Variants in PLEKHA5 observed in about 807,000 individuals in gnomAD.
PLEKHA5 encodes pleckstrin homology domain-containing family A member 5.
Under a neutral mutation model 181.9 loss-of-function variants are expected in PLEKHA5, and 55 were observed. The observed-to-expected ratio is 0.30, with a 90% CI of 0.24 to 0.38. PLEKHA5 has a LOEUF of 0.38. Ranked by LOEUF, PLEKHA5 falls within the 10% of genes least tolerant of loss-of-function variation. PLEKHA5 has a pLI of 1.00. For missense variants in PLEKHA5, 1,432 were observed against 1,549.5 expected, an observed-to-expected ratio of 0.92 and a Z score of 1.27; for synonymous variants, 535 against 529.4, an observed-to-expected ratio of 1.01 and a Z score of -0.15.
intron 15 of PLEKHA5, among the ~76,000 whole-genome samples, chr12:19,302,905 AATTTTTTTTTTT>A (rs2081977094): frequency 1.9e-5 from 2 of 106,606 alleles, no homozygotes; most frequent in African/African-American, 7.6e-5. Flanking sequence ...TTCTGTATGA[AATTTTTTTTTTT>A]TTTTTTTTTT....
intron 3 of PLEKHA5, among the ~76,000 whole-genome samples, chr12:19,192,715 A>G (rs967922370): frequency 6.6e-6 from 1 of 152,304 alleles, no homozygotes; most frequent in East Asian, 1.9e-4. Flanking sequence ...CTCAAAAAAT[A>G]AAAAAGAAAA....
At chr12:19,316,224 G>A (rs1380431611) in intron 16 of PLEKHA5, among the ~76,000 whole-genome samples, 1 of 151,998 alleles carries the variant, frequency 6.6e-6, no homozygotes, top group East Asian at 1.9e-4. Flanking sequence ...GTTGTAATAG[G>A]TTATGTTTTT....
intron 3 of PLEKHA5, chr12:19,200,558 A>C: frequency 7.7e-7 from 1 of 1,292,586 alleles, no homozygotes; most frequent in Non-Finnish European, 9.8e-7. Flanking sequence ...TCTTTTCCTC[A>C]TTCCTAGTAG....
intron 3 of PLEKHA5, among the ~76,000 whole-genome samples, chr12:19,193,954 C>T (rs1460095140): frequency 6.6e-6 from 1 of 151,894 alleles, no homozygotes; most frequent in East Asian, 1.9e-4. Context: ...ACACTTTTAA[C>T]AACCAGATCT....
chr12:19,173,706 G>T (rs190258645), intron 3 of PLEKHA5, among the ~76,000 whole-genome samples: 1 of 152,254 alleles, frequency 6.6e-6, no homozygotes, highest in East Asian at 1.9e-4. Flanking sequence ...ACAGCCTAGG[G>T]GATAGCTTAA....
At chr12:19,273,983 C>G (rs917830751) in intron 10 of PLEKHA5, among the ~76,000 whole-genome samples, 5 of 152,208 alleles carry the variant, frequency 3.3e-5, no homozygotes, top group African/African-American at 1.2e-4. Flanking sequence ...TGCAGTCAGA[C>G]TCCAAGAGCT....
intron 25 of PLEKHA5, among the ~76,000 whole-genome samples, chr12:19,352,969 T>C (rs1259156746): frequency 1.3e-5 from 2 of 150,524 alleles, no homozygotes; most frequent in Admixed American, 6.6e-5. Flanking sequence ...TTCAATTTTT[T>C]TGGAGACAGG....
chr12:19,183,289 A>G (rs111471005), intron 3 of PLEKHA5, among the ~76,000 whole-genome samples: 3,999 of 152,290 alleles, frequency 0.026, 146 homozygotes, highest in African/African-American at 0.082. Flanking sequence ...GACTCTGGAA[A>G]GAGGTGTCAG....
intron 3 of PLEKHA5, among the ~76,000 whole-genome samples, chr12:19,168,210 C>A (rs1346475749): frequency 6.6e-6 from 1 of 152,158 alleles, no homozygotes; most frequent in Non-Finnish European, 1.5e-5. Flanking sequence ...CGGAAGGAAT[C>A]ACCTTCTGGC....
intron 3 of PLEKHA5, among the ~76,000 whole-genome samples, chr12:19,246,017 C>T (rs1227919457): frequency 4.1e-5 from 6 of 147,588 alleles, no homozygotes; most frequent in Non-Finnish European, 8.9e-5. Context: ...CTCACTCTGT[C>T]GCCCAGGCTG....
intron 3 of PLEKHA5, among the ~76,000 whole-genome samples, chr12:19,166,872 T>G (rs576997762): frequency 6.6e-6 from 1 of 152,250 alleles, no homozygotes; most frequent in East Asian, 1.9e-4. Flanking sequence ...GTCCACCTTA[T>G]ATTTGTTTAA....
chr12:19,295,884 C>G (rs1451357424), intron 15 of PLEKHA5, among the ~76,000 whole-genome samples: 2 of 152,150 alleles, frequency 1.3e-5, no homozygotes, highest in Non-Finnish European at 2.9e-5. Flanking sequence ...ATCTGAAGAC[C>G]AGACTAACAG....
intron 3 of PLEKHA5, among the ~76,000 whole-genome samples, chr12:19,158,871 A>G (rs935438656): frequency 8.5e-5 from 13 of 152,256 alleles, no homozygotes; most frequent in Admixed American, 3.3e-4. Context: ...TTCTTTGTAT[A>G]TGTATACTTT....
At chr12:19,169,934 G>A (rs187862964) in intron 3 of PLEKHA5, among the ~76,000 whole-genome samples, 70 of 152,202 alleles carry the variant, frequency 4.6e-4, no homozygotes, top group African/African-American at 1.6e-3. Flanking sequence ...AATGGTGTGC[G>A]CTAAGAAATG....
chr12:19,348,085 G>A (rs2094427922), intron 24 of PLEKHA5, among the ~76,000 whole-genome samples: 2 of 152,018 alleles, frequency 1.3e-5, no homozygotes, highest in Admixed American at 6.6e-5. Flanking sequence ...GTTTCACCAT[G>A]TTGGCTGGGC....
At chr12:19,181,321 A>G (rs912081537) in intron 3 of PLEKHA5, among the ~76,000 whole-genome samples, 3 of 152,244 alleles carry the variant, frequency 2.0e-5, no homozygotes, top group African/African-American at 7.2e-5. Context: ...AAAATGTGTT[A>G]TCTTTTAAAG....
At chr12:19,339,697 A>T (rs1398586288) in intron 21 of PLEKHA5, among the ~76,000 whole-genome samples, 1 of 152,190 alleles carries the variant, frequency 6.6e-6, no homozygotes, top group Non-Finnish European at 1.5e-5. Context: ...TTTCAAAAAA[A>T]AATAAAAGAA....
chr12:19,333,200 G>A (rs1023728982), intron 20 of PLEKHA5, among the ~76,000 whole-genome samples: 1 of 152,046 alleles, frequency 6.6e-6, no homozygotes, highest in African/African-American at 2.4e-5. Context: ...CAGGCGAATC[G>A]CTTGAACCCA....
At chr12:19,371,756 G>A (rs977539283) in intron 31 of PLEKHA5, 1 of 152,210 alleles carries the variant, frequency 6.6e-6, no homozygotes, top group Non-Finnish European at 1.5e-5. Context: ...GTTGCAAATT[G>A]TGCTGCTATA....
Sources: gnomAD v4.1 joint callset for allele counts (sites outside exome capture counted in the v4.1 genomes callset) on GRCh38, gnomAD v4.1.1 for gene constraint, MANE v1.5 for transcripts, NCBI Gene and HGNC (gene_info 2026-07-23, HGNC 2026-07-21) for gene names.